The following CTXND1 variants were observed in gnomAD, a reference collection of about 807,000 sequenced individuals.
CTXND1 encodes cortexin domain containing 1.
intron 1 of CTXND1, among the ~76,000 whole-genome samples, chr15:80,221,505 C>A (rs1165822663): frequency 1.3e-5 from 2 of 152,114 alleles, no homozygotes; most frequent in Non-Finnish European, 2.9e-5. Context: ...ATCACTAGAG[C>A]CGAGGTGTTC....
At chr15:80,234,945 C>T (rs1373891631) in intron 1 of CTXND1, among the ~76,000 whole-genome samples, 1 of 152,176 alleles carries the variant, frequency 6.6e-6, no homozygotes, top group African/African-American at 2.4e-5. Flanking sequence ...GCAGTGACAG[C>T]AAGATGCAGA....
At chr15:80,230,995 T>A (rs1470276884) in intron 1 of CTXND1, among the ~76,000 whole-genome samples, 1 of 151,892 alleles carries the variant, frequency 6.6e-6, no homozygotes, top group Non-Finnish European at 1.5e-5. Flanking sequence ...GAGTCAGAGG[T>A]TGCAGTGAGC....
chr15:80,198,010 A>C lies in CTXND1; in HGVS notation c.*3760T>G, dbSNP rs116877744. 19 of 152,334 alleles carry C rather than the reference A, an allele frequency of 1.2e-4. No individual in the cohort carries two copies. In the East Asian group the frequency reaches 2.5e-3, roughly 20 times the overall value. 9.4% of individuals were successfully genotyped at this position (152,334 alleles called of 1,614,324 possible). A position where few individuals can be genotyped will look rare whatever the true frequency, so the allele number is the denominator to read the frequency against. On this transcript the variant is annotated 3_prime_UTR_variant, in exon 3 of 3. Coordinates refer to ENST00000560778, the MANE Select transcript of CTXND1 (RefSeq NM_001352888.2). ...TGGTAAAGCTAGGGTCCTACTATAC[A>C]TATCCACCTGTCTGAGCATCCTTAG...
chr15:80,243,061 C>A (rs2141464941), intron 1 of CTXND1, among the ~76,000 whole-genome samples: 1 of 152,300 alleles, frequency 6.6e-6, no homozygotes. Flanking sequence ...CCTCTGATTC[C>A]TTTGAACTAC....
At chr15:80,236,638 C>T (rs576926291) in intron 1 of CTXND1, among the ~76,000 whole-genome samples, 103 of 152,194 alleles carry the variant, frequency 6.8e-4, no homozygotes, top group African/African-American at 2.4e-3. Context: ...CAAATATTAG[C>T]CAGGTGTGGT....
intron 1 of CTXND1, among the ~76,000 whole-genome samples, chr15:80,210,740 AATGCCAC>A (rs1222934779): frequency 6.6e-6 from 1 of 152,214 alleles, no homozygotes; most frequent in Non-Finnish European, 1.5e-5. Context: ...GCCATAGCAA[AATGCCAC>A]AGACTGGGTG....
intron 1 of CTXND1, among the ~76,000 whole-genome samples, chr15:80,205,647 C>G (rs1260929807): frequency 6.6e-6 from 1 of 152,146 alleles, no homozygotes; most frequent in Non-Finnish European, 1.5e-5. Flanking sequence ...TGCACCAGAT[C>G]CCGGCATCCA....
intron 1 of CTXND1, among the ~76,000 whole-genome samples, 192 bp downstream of exon 1, chr15:80,251,815 C>G (rs1430054044): frequency 6.6e-6 from 1 of 152,032 alleles, no homozygotes. Flanking sequence ...GCAGTGCCGC[C>G]GAGGAGGGGA....
In CTXND1 at chr15:80,236,741, C is replaced by T. The variant is rs566543528; in HGVS notation, c.-218+15266G>A. ...GAGGTTGCAGTAAGCCGATATTGTG[C>T]CACTGCACTCCAGCCTGGGTGATAC... On this transcript the variant is annotated intron_variant, in intron 1 of 2. Transcript: ENST00000560778. Among the ~76,000 whole-genome samples, 27 of 150,590 alleles carry T rather than the reference C, an allele frequency of 1.8e-4. No individual in the cohort carries two copies. The South Asian group carries it at 4.6e-3, about 26-fold the overall frequency.
intron 1 of CTXND1, among the ~76,000 whole-genome samples, chr15:80,211,429 G>T (rs1485438619): frequency 6.6e-6 from 1 of 152,148 alleles, no homozygotes; most frequent in African/African-American, 2.4e-5. Context: ...TAAATGGATG[G>T]CATTTGCTCA....
At chr15:80,234,416 G>T (rs969055826) in intron 1 of CTXND1, among the ~76,000 whole-genome samples, 1 of 152,042 alleles carries the variant, frequency 6.6e-6, no homozygotes, top group African/African-American at 2.4e-5. Context: ...GTGAGACAGG[G>T]CTGTGTATTA....
At chr15:80,245,101 A>G (rs1444348041) in intron 1 of CTXND1, among the ~76,000 whole-genome samples, 1 of 152,158 alleles carries the variant, frequency 6.6e-6, no homozygotes, top group Non-Finnish European at 1.5e-5. Flanking sequence ...ACTTTGTGGA[A>G]TGCACTGAGG....
intron 1 of CTXND1, among the ~76,000 whole-genome samples, chr15:80,235,708 A>T (rs535006148): frequency 6.6e-6 from 1 of 151,496 alleles, no homozygotes; most frequent in South Asian, 2.1e-4. Context: ...CCCAGAACCA[A>T]CTCCCCTCTA....
At chr15:80,249,736 T>G (rs1893673145) in intron 1 of CTXND1, among the ~76,000 whole-genome samples, 1 of 152,264 alleles carries the variant, frequency 6.6e-6, no homozygotes, top group Non-Finnish European at 1.5e-5. Context: ...TTCACAGTGC[T>G]GATCTTGAGT....
At chr15:80,205,780 T>C (rs771122151) in intron 1 of CTXND1, among the ~76,000 whole-genome samples, 1 of 152,194 alleles carries the variant, frequency 6.6e-6, no homozygotes, top group African/African-American at 2.4e-5. Flanking sequence ...GGCGATGGAT[T>C]TGAGACTTCT....
chr15:80,232,268 C>T (rs758384533), intron 1 of CTXND1, among the ~76,000 whole-genome samples: 2 of 152,048 alleles, frequency 1.3e-5, no homozygotes, highest in African/African-American at 2.4e-5. Flanking sequence ...TCCCTGCCCC[C>T]GATCCTTTTG....
intron 1 of CTXND1, among the ~76,000 whole-genome samples, chr15:80,231,329 C>A (rs568157736): frequency 6.6e-6 from 1 of 151,658 alleles, no homozygotes; most frequent in African/African-American, 2.4e-5. Context: ...AATGACAGAG[C>A]CTTGCCACCT....
intron 2 of CTXND1, among the ~76,000 whole-genome samples, chr15:80,202,718 G>A (rs1013612603): frequency 2.0e-5 from 3 of 152,252 alleles, no homozygotes; most frequent in African/African-American, 7.2e-5. Flanking sequence ...AAGAGAGTGA[G>A]AGGCTTGGAG....
chr15:80,233,937 CAG>C (rs1386970594), intron 1 of CTXND1, among the ~76,000 whole-genome samples: 5 of 152,180 alleles, frequency 3.3e-5, no homozygotes, highest in Non-Finnish European at 7.3e-5. Context: ...CATAAGCATG[CAG>C]GAATGGGGTC....
Sources: allele counts gnomAD v4.1 joint callset (sites outside exome capture counted in the v4.1 genomes callset), GRCh38; gene constraint gnomAD v4.1.1; transcripts MANE v1.5; gene names NCBI Gene and HGNC (gene_info 2026-07-23, HGNC 2026-07-21).